ETV6: variants seen among roughly 807,000 people sequenced by gnomAD.
ETV6 encodes the protein ETS variant transcription factor 6, also known as transcription factor ETV6.
A neutral mutation model predicts 51.1 loss-of-function variants in ETV6; 16 were observed. The ratio of observed to expected loss-of-function variants is 0.31; its 90% CI spans 0.21 to 0.48. The LOEUF (loss-of-function observed/expected upper bound fraction) is 0.48. Ranked by LOEUF, ETV6 falls within the 20% of genes least tolerant of loss-of-function variation. The pLI is 0.99. For synonymous variants in ETV6, 240 were observed against 224.1 expected (o/e 1.07, Z -0.64); for missense variants, 458 against 594.8 (o/e 0.77, Z 2.39).
chr12:11,886,285 A>G (rs144636185), intron 7 of ETV6, among the ~76,000 whole-genome samples: 19 of 152,354 alleles, frequency 1.2e-4, no homozygotes, highest in African/African-American at 3.6e-4. Context: ...TGACCAAATA[A>G]TATTATGTGG....
intron 2 of ETV6, among the ~76,000 whole-genome samples, chr12:11,800,162 A>AAAATATCCCAGGCCATTTTCTGGG (rs1945726423): frequency 6.6e-6 from 1 of 152,160 alleles, no homozygotes; most frequent in Non-Finnish European, 1.5e-5. Context: ...TAAGGACTGA[A>AAAATATCCCAGGCCATTTTCTGGG]AAATATCCCA....
chr12:11,663,113 A>G (rs1403849484), intron 1 of ETV6, among the ~76,000 whole-genome samples: 1 of 152,230 alleles, frequency 6.6e-6, no homozygotes, highest in African/African-American at 2.4e-5. Context: ...AAAATGCACA[A>G]TTTCAGGTTC....
intron 2 of ETV6, among the ~76,000 whole-genome samples, chr12:11,815,869 C>A (rs1455935001): frequency 6.6e-6 from 1 of 152,104 alleles, no homozygotes; most frequent in Non-Finnish European, 1.5e-5. Flanking sequence ...GTTTAAAACT[C>A]AAAAATGATA....
At chr12:11,726,072 C>T (rs1865483197) in intron 1 of ETV6, among the ~76,000 whole-genome samples, 1 of 152,222 alleles carries the variant, frequency 6.6e-6, no homozygotes, top group African/African-American at 2.4e-5. Flanking sequence ...GCTATTTCTA[C>T]ATCCAGCTGT....
In ETV6 at chr12:11,664,045, C is replaced by T. The variant is rs561218358; in HGVS notation, c.33+13885C>T. Among the ~76,000 whole-genome samples, 3 of 152,278 alleles carry T rather than the reference C, an allele frequency of 2.0e-5. No homozygotes were observed. In the East Asian group the frequency reaches 5.8e-4, roughly 29 times the overall value. On this transcript the variant is annotated intron_variant, in intron 1 of 7. Coordinates refer to ENST00000396373, the MANE Select transcript of ETV6 (RefSeq NM_001987.5). ...TTGGATGAATAGGTAAATCACCTCCCCATCAGCAAACTAGCGTTTGGGTTC... is the reference window on the plus strand; with the variant it reads ...TTGGATGAATAGGTAAATCACCTCCTCATCAGCAAACTAGCGTTTGGGTTC...
At chr12:11,880,244 A>G (rs1042001461) in intron 5 of ETV6, among the ~76,000 whole-genome samples, 45 of 152,132 alleles carry the variant, frequency 3.0e-4, no homozygotes, top group Non-Finnish European at 1.0e-4. Context: ...ATGTCAACGT[A>G]TTTTTATTAC....
In ETV6 at chr12:11,706,610, G is replaced by A. The variant is rs939896081; in HGVS notation, c.34-45840G>A. 9.8e-5 allele frequency among the ~76,000 whole-genome samples: 15 copies of A among 152,302 alleles called. No individual in the cohort carries two copies. In the South Asian group the frequency reaches 3.1e-3, roughly 32 times the overall value. Reference sequence around the variant, plus strand: ...TAATGACTTCAGTTTTAGGTGCTAGGAGATAGTAGGGCCACCTGCACTGTT... The same window carrying A: ...TAATGACTTCAGTTTTAGGTGCTAGAAGATAGTAGGGCCACCTGCACTGTT... On this transcript the variant is annotated intron_variant, in intron 1 of 7. Coordinates refer to ENST00000396373, the MANE Select transcript of ETV6 (RefSeq NM_001987.5).
At chr12:11,825,446 C>A (rs1328470641) in intron 2 of ETV6, among the ~76,000 whole-genome samples, 2 of 152,138 alleles carry the variant, frequency 1.3e-5, no homozygotes, top group African/African-American at 2.4e-5. Context: ...GGGGAAAAAA[C>A]CACAAAGCAA....
At chr12:11,754,048 ACAG>A (rs1368379041) in intron 2 of ETV6, among the ~76,000 whole-genome samples, 1 of 152,258 alleles carries the variant, frequency 6.6e-6, no homozygotes. Context: ...TGGAAAAGAA[ACAG>A]CAGCCAAGTG....
intron 7 of ETV6, among the ~76,000 whole-genome samples, chr12:11,887,851 G>C (rs965262139): frequency 1.3e-5 from 2 of 152,082 alleles, no homozygotes; most frequent in Non-Finnish European, 2.9e-5. Flanking sequence ...TGAAACTACA[G>C]TTCCCTTTGA....
chr12:11,779,690 G>A (rs1029221978), intron 2 of ETV6, among the ~76,000 whole-genome samples: 1 of 152,314 alleles, frequency 6.6e-6, no homozygotes, highest in East Asian at 1.9e-4. Flanking sequence ...AACCTTTGGT[G>A]CTTAGTATGG....
chr12:11,868,287 A>G (rs927508978), intron 4 of ETV6, among the ~76,000 whole-genome samples: 4 of 152,194 alleles, frequency 2.6e-5, no homozygotes, highest in South Asian at 2.1e-4. Context: ...GTCTGGTTCT[A>G]TAATCTCCTA....
chr12:11,672,378 A>T (rs1864334707), intron 1 of ETV6, among the ~76,000 whole-genome samples: 1 of 152,224 alleles, frequency 6.6e-6, no homozygotes, highest in Admixed American at 6.5e-5. Context: ...GTTCAAAGGC[A>T]GATGGTAGGC....
intron 7 of ETV6, among the ~76,000 whole-genome samples, chr12:11,888,047 A>G (rs553205644): frequency 2.7e-4 from 41 of 152,312 alleles, no homozygotes; most frequent in African/African-American, 9.4e-4. Flanking sequence ...GAGACTAGAA[A>G]AAAGTAAAGG....
intron 2 of ETV6, among the ~76,000 whole-genome samples, chr12:11,780,855 C>T (rs1459518747): frequency 6.6e-6 from 1 of 152,222 alleles, no homozygotes; most frequent in Non-Finnish European, 1.5e-5. Context: ...TACTGTATAG[C>T]AGTGTGTTTC....
chr12:11,703,061 C>T (rs144351652), intron 1 of ETV6, among the ~76,000 whole-genome samples: 55 of 152,254 alleles, frequency 3.6e-4, no homozygotes, highest in African/African-American at 1.3e-3. Flanking sequence ...GAGTCAAGAT[C>T]GTGCCACTGC....
chr12:11,852,707 A>G (rs989397796), intron 3 of ETV6, among the ~76,000 whole-genome samples: 1 of 152,204 alleles, frequency 6.6e-6, no homozygotes, highest in African/African-American at 2.4e-5. Context: ...TTCGGCAGCT[A>G]CTGAAGCAGT....
At position 11,888,390 on chromosome 12, in the gene ETV6, TTTCTTTTC is replaced by T. The variant is rs1173068154; in HGVS notation, c.1253+2367_1253+2374del. On this transcript the variant is annotated intron_variant, in intron 7 of 7. Transcript: ENST00000396373. ...CACTACAATTTGCTTTTTCTTTTCT[TTTCTTTTC>T]TTTTTTTTTTTTTTTTAGACAGAGC... is the stretch of plus-strand genomic sequence containing the variant. Among the ~76,000 whole-genome samples, 11 of 47,180 alleles carry T rather than the reference TTTCTTTTC, an allele frequency of 2.3e-4. 1 individual carries two copies. Among genetic ancestry groups the T allele is most frequent in the Non-Finnish European group, 2.7e-4 (5 of 18,354 alleles). The allele number at this position is 47,180 out of a possible 152,430, so 31.0% of individuals were successfully genotyped here.
intron 2 of ETV6, among the ~76,000 whole-genome samples, chr12:11,803,922 A>T (rs550739792): frequency 6.6e-6 from 1 of 152,056 alleles, no homozygotes; most frequent in African/African-American, 2.4e-5. Context: ...TATTAGTATC[A>T]TCATCATCAT....
Sources: allele counts gnomAD v4.1 joint callset (sites outside exome capture counted in the v4.1 genomes callset), GRCh38; gene constraint gnomAD v4.1.1; transcripts MANE v1.5; gene names NCBI Gene and HGNC (gene_info 2026-07-23, HGNC 2026-07-21).